The following MBNL1 variants were observed in gnomAD, a reference collection of about 807,000 sequenced individuals.
MBNL1 encodes the protein muscleblind-like protein 1.
A neutral mutation model predicts 42.2 loss-of-function variants in MBNL1; 8 were observed. The observed-to-expected ratio is 0.19, with a 90% CI of 0.11 to 0.34. MBNL1 has a LOEUF of 0.34. Among genes scored for constraint, MBNL1 ranks in the 10% least tolerant of loss-of-function variants. The pLI, the probability that MBNL1 is intolerant of heterozygous loss-of-function variation, is 1.00. For synonymous variants in MBNL1, 169 were observed against 173.9 expected (o/e 0.97, Z 0.22); for missense variants, 309 against 495.3 (o/e 0.62, Z 3.57).
intron 2 of MBNL1, among the ~76,000 whole-genome samples, chr3:152,372,876 C>G (rs112706781): frequency 1.3e-5 from 2 of 152,048 alleles, no homozygotes; most frequent in South Asian, 4.1e-4. Flanking sequence ...GGAACATTTA[C>G]GTCTGCTGAA....
At chr3:152,317,856 G>C (rs1053338533) in intron 2 of MBNL1, among the ~76,000 whole-genome samples, 1 of 152,092 alleles carries the variant, frequency 6.6e-6, no homozygotes, top group Non-Finnish European at 1.5e-5. Flanking sequence ...TCGTTCATTT[G>C]GTCATTTACC....
intron 2 of MBNL1, among the ~76,000 whole-genome samples, chr3:152,356,348 G>T (rs1292971597): frequency 6.6e-6 from 1 of 151,946 alleles, no homozygotes; most frequent in Non-Finnish European, 1.5e-5. Context: ...TTTTTAAAGG[G>T]TATTGTCTCT....
chr3:152,431,189 T>C (rs2099002401), intron 3 of MBNL1, among the ~76,000 whole-genome samples: 1 of 152,160 alleles, frequency 6.6e-6, no homozygotes, highest in Non-Finnish European at 1.5e-5. Flanking sequence ...GGCTGTCTTG[T>C]ATGTTGTAGG....
At chr3:152,380,888 A>G (rs1452822611) in intron 2 of MBNL1, among the ~76,000 whole-genome samples, 3 of 152,102 alleles carry the variant, frequency 2.0e-5, no homozygotes, top group South Asian at 4.1e-4. Context: ...TCACAAGCCA[A>G]TTCTAAGTTA....
intron 2 of MBNL1, among the ~76,000 whole-genome samples, chr3:152,379,734 T>C (rs774493662): frequency 6.6e-6 from 1 of 152,166 alleles, no homozygotes; most frequent in African/African-American, 2.4e-5. Flanking sequence ...TTTTGTTTTG[T>C]TTTTGAGAAG....
chr3:152,461,738 A>C (rs917355925), intron 9 of MBNL1, among the ~76,000 whole-genome samples: 4 of 152,204 alleles, frequency 2.6e-5, no homozygotes, highest in African/African-American at 9.6e-5. Context: ...TGCTGAGAAC[A>C]AATTTCATGT....
intron 1 of MBNL1, among the ~76,000 whole-genome samples, chr3:152,294,539 C>G (rs555811202): frequency 4.6e-5 from 7 of 152,184 alleles, no homozygotes; most frequent in Admixed American, 1.3e-4. Context: ...CTGCCTCGGC[C>G]TCCCAAAGTG....
chr3:152,463,710 ATTCAGTTT>A lies in MBNL1; in HGVS notation c.*1347_*1354del. ...AAAATTAAAAAAAAAATAGATGTGC[ATTCAGTTT>A]TTAAGAATGGAATCATCCAAAGGAA... On this transcript the variant is annotated 3_prime_UTR_variant, in exon 10 of 10. Coordinates refer to ENST00000324210, the MANE Select transcript of MBNL1 (RefSeq NM_021038.5). 6.6e-6 allele frequency: 1 copy of A among 152,512 alleles called. No individual in the cohort carries two copies. The highest frequency in any genetic ancestry group is 6.5e-5 in the Admixed American group (1 of 15,286). 9.4% of individuals were successfully genotyped at this position (152,512 alleles called of 1,614,324 possible). A position where few individuals can be genotyped will look rare whatever the true frequency, so the allele number is the denominator to read the frequency against.
At chr3:152,392,843 T>TA (rs2097776721) in intron 2 of MBNL1, among the ~76,000 whole-genome samples, 1 of 152,224 alleles carries the variant, frequency 6.6e-6, no homozygotes, top group East Asian at 1.9e-4. Context: ...ATATGAGATG[T>TA]AAAAATATTC....
chr3:152,273,106 GT>G (rs2149910131), intron 1 of MBNL1, among the ~76,000 whole-genome samples: 1 of 152,230 alleles, frequency 6.6e-6, no homozygotes, highest in African/African-American at 2.4e-5. Context: ...GTCAGTGCGT[GT>G]GTGGAGGGTG....
chr3:152,381,678 A>C (rs1207656333), intron 2 of MBNL1, among the ~76,000 whole-genome samples: 1 of 151,970 alleles, frequency 6.6e-6, no homozygotes, highest in Non-Finnish European at 1.5e-5. Context: ...TAACATGCCA[A>C]TAATTCTTTT....
intron 2 of MBNL1, among the ~76,000 whole-genome samples, chr3:152,367,306 C>T (rs2096442410): frequency 6.6e-6 from 1 of 151,666 alleles, no homozygotes; most frequent in East Asian, 1.9e-4. Context: ...TGTTAGTTTG[C>T]TGAGAATGAT....
rs146975914 is a variant in MBNL1 at position 152,258,025 on chromosome 3, T to C, written n.333+13585T>C. Among the ~76,000 whole-genome samples, 1,498 of 152,268 alleles carry C rather than the reference T, an allele frequency of 9.8e-3. 10 individuals are homozygous for C. Among genetic ancestry groups the C allele is most frequent in the Non-Finnish European group, 0.017 (1,122 of 68,000 alleles). On this transcript the variant is annotated intron_variant and non_coding_transcript_variant, in intron 2 of 2. Coordinates refer to the MBNL1 transcript ENST00000477171. ...CCTGTTAATCATTTCAGGAAACATC[T>C]TGGGCTCCTTTTTAATTACATCCTA...
intron 1 of MBNL1, among the ~76,000 whole-genome samples, chr3:152,287,066 A>G (rs2052884404): frequency 6.6e-6 from 1 of 152,070 alleles, no homozygotes; most frequent in Admixed American, 6.5e-5. Flanking sequence ...GAAAATACAA[A>G]AAGTAGCCGG....
chr3:152,441,237 G>A (rs1580542104), intron 4 of MBNL1, among the ~76,000 whole-genome samples: 1 of 152,232 alleles, frequency 6.6e-6, no homozygotes, highest in East Asian at 1.9e-4. Context: ...TAACTTGAGA[G>A]CATTGCTGAG....
At position 152,372,551 on chromosome 3, in the gene MBNL1, G is replaced by C. The variant is rs141370218; in HGVS notation, c.175-42390G>C. On this transcript the variant is annotated intron_variant, in intron 2 of 9. Transcript: ENST00000324210. ...TTTTAGTTTTTCTCCTAACAGGCAG[G>C]CTTCTCTCCTGCAGGCCTGCTGGAG... Among the ~76,000 whole-genome samples the C allele has an allele frequency of 1.3e-3, 202 of 152,260 alleles. 7 individuals carry two copies. The East Asian group carries it at 0.037, about 28-fold the overall frequency.
upstream of MBNL1, chr3:152,267,709 T>C (rs2037614342): frequency 9.9e-5 from 15 of 152,186 alleles, no homozygotes; most frequent in Admixed American, 9.8e-4. Context: ...CAATTTTAAC[T>C]CAGTGCTTTG....
At chr3:152,350,986 G>A (rs918609476) in intron 2 of MBNL1, among the ~76,000 whole-genome samples, 13 of 152,066 alleles carry the variant, frequency 8.5e-5, no homozygotes, top group African/African-American at 2.7e-4. Context: ...GTACAAGGCT[G>A]ATGACTAATT....
chr3:152,253,080 C>G (rs914998211), intron 2 of MBNL1, among the ~76,000 whole-genome samples: 16 of 152,022 alleles, frequency 1.1e-4, no homozygotes, highest in African/African-American at 3.9e-4. Context: ...CAAATTCATA[C>G]CTCCTCAACT....
Sources: allele counts gnomAD v4.1 joint callset (sites outside exome capture counted in the v4.1 genomes callset), GRCh38; gene constraint gnomAD v4.1.1; transcripts MANE v1.5; gene names NCBI Gene and HGNC (gene_info 2026-07-23, HGNC 2026-07-21).